Variants in PSTPIP2 observed in about 807,000 individuals in gnomAD.
PSTPIP2 encodes the protein proline-serine-threonine phosphatase interacting protein 2.
PSTPIP2 carries 33 observed loss-of-function variants against 63.3 expected under a neutral mutation model. The observed-to-expected ratio is 0.52, with a 90% CI of 0.40 to 0.70. The LOEUF (loss-of-function observed/expected upper bound fraction) is 0.70, where lower values mean the gene tolerates loss of function less well. PSTPIP2 is among the 30% of genes least tolerant of loss of function. The pLI, the probability that PSTPIP2 is intolerant of heterozygous loss-of-function variation, is 0.00. For missense variants in PSTPIP2, 312 were observed against 400.7 expected (o/e 0.78, Z 1.89); for synonymous variants, 125 against 132.7 (o/e 0.94, Z 0.40).
In PSTPIP2 at chr18:46,072,139, T is replaced by G; in HGVS notation, c.33+17A>C. On this transcript the variant is annotated intron_variant, in intron 1 of 14. Transcript: ENST00000409746. ...GGGTCCTGAGCCCCGCGATCCGCTG[T>G]CGGCCCCACGACTTACCCAAAAGTT... is the stretch of plus-strand genomic sequence containing the variant. 1.3e-6 allele frequency: 2 copies of G among 1,530,756 alleles called. No individual in the cohort carries two copies. The highest frequency in any genetic ancestry group is 1.8e-6 in the Non-Finnish European group (2 of 1,139,454). The allele number at this position is 1,530,756 out of a possible 1,614,324, so 94.8% of individuals were successfully genotyped here. A position where few individuals can be genotyped will look rare whatever the true frequency, so the allele number is the denominator to read the frequency against.
At position 45,997,711 on chromosome 18, in the gene PSTPIP2, AC is replaced by A; in HGVS notation, c.642+37del. 8.6e-6 allele frequency: 2 copies of A among 233,312 alleles called. 1 individual carries two copies. Among genetic ancestry groups the A allele is most frequent in the Non-Finnish European group, 1.7e-5 (2 of 116,320 alleles). 14.5% of individuals were successfully genotyped at this position (233,312 alleles called of 1,614,324 possible). On this transcript the variant is annotated intron_variant, in intron 9 of 14. Coordinates refer to ENST00000409746, the MANE Select transcript of PSTPIP2 (RefSeq NM_024430.4). ...CTTCCTGTTACACACACCCCCACCC[AC>A]CCACCCCAGTCCTGAGCAGCTTCCG...
At chr18:46,031,717 G>T (rs919160893) in intron 2 of PSTPIP2, among the ~76,000 whole-genome samples, 1 of 152,080 alleles carries the variant, frequency 6.6e-6, no homozygotes, top group Non-Finnish European at 1.5e-5. Context: ...TATCCATTAA[G>T]ATTTCTTTAG....
intron 13 of PSTPIP2, among the ~76,000 whole-genome samples, chr18:45,990,234 G>A (rs1175851912): frequency 6.6e-6 from 1 of 152,088 alleles, no homozygotes; most frequent in East Asian, 1.9e-4. Context: ...TCTTGGATAA[G>A]CTATAAAATA....
At chr18:46,053,635 T>C (rs1357986491) in intron 1 of PSTPIP2, among the ~76,000 whole-genome samples, 1 of 152,178 alleles carries the variant, frequency 6.6e-6, no homozygotes, top group African/African-American at 2.4e-5. Context: ...CTCAACTAAA[T>C]TGAGTTGAAA....
intron 2 of PSTPIP2, among the ~76,000 whole-genome samples, chr18:46,038,398 T>G (rs895903628): frequency 1.3e-5 from 2 of 152,154 alleles, no homozygotes; most frequent in African/African-American, 2.4e-5. Context: ...AGGCAGTCAG[T>G]GCCTGGGGTC....
chr18:45,988,902 A>T, intron 13 of PSTPIP2, 143 bp from the exon 14 acceptor site: 1 of 684,240 alleles, frequency 1.5e-6, no homozygotes, highest in Non-Finnish European at 2.6e-6. Flanking sequence ...AACAAAAACT[A>T]TAAATGGTAG....
chr18:46,015,072 T>C (rs891228109), intron 4 of PSTPIP2, among the ~76,000 whole-genome samples: 3 of 152,014 alleles, frequency 2.0e-5, no homozygotes, highest in Non-Finnish European at 4.4e-5. Flanking sequence ...AAGAAAGAAA[T>C]GCACCACAGT....
intron 1 of PSTPIP2, chr18:46,040,392 C>T (rs1908149293): frequency 5.3e-6 from 1 of 187,494 alleles, no homozygotes; most frequent in South Asian, 1.1e-4. Context: ...TTACATACAT[C>T]CTTGAGTTGT....
In PSTPIP2 at chr18:46,015,914, A is replaced by C; in HGVS notation, c.236T>G (p.Val79Gly). The change falls in exon 4 of 15, where the codon GTC (valine) becomes GGC (glycine). Residue 79 changes from valine (V) to glycine (G), a missense_variant. Transcript: ENST00000409746. ...AAAAAATCACTTACGCTGCTTGAAGACTTCAAGGGCCCGCTTCAGGGTGCT... is the reference window on the plus strand; with the variant it reads ...AAAAAATCACTTACGCTGCTTGAAGCCTTCAAGGGCCCGCTTCAGGGTGCT... Reference protein sequence around the residue: ...EINTLKRALEVFKQQVDNVAQ... With the variant: ...EINTLKRALEGFKQQVDNVAQ... 1 of 1,612,432 alleles carries C rather than the reference A, an allele frequency of 6.2e-7. No individual in the cohort carries two copies. Among genetic ancestry groups the C allele is most frequent in the South Asian group, 1.1e-5 (1 of 90,830 alleles).
intron 2 of PSTPIP2, among the ~76,000 whole-genome samples, chr18:46,036,252 T>C (rs1336336192): frequency 6.6e-6 from 1 of 151,488 alleles, no homozygotes; most frequent in African/African-American, 2.4e-5. Context: ...ACAATTATTG[T>C]AACAATTAAT....
intron 1 of PSTPIP2, among the ~76,000 whole-genome samples, chr18:46,065,385 G>T (rs1369386205): frequency 6.6e-6 from 1 of 151,592 alleles, no homozygotes; most frequent in African/African-American, 2.4e-5. Flanking sequence ...TCCGCCTCCT[G>T]GGTTCAAACG....
chr18:46,028,627 T>G, intron 2 of PSTPIP2: 1 of 798,690 alleles, frequency 1.3e-6, no homozygotes. Context: ...AAGAAGCCAA[T>G]TTGGGTGGAT....
In PSTPIP2 at chr18:46,015,853, A is replaced by G. The variant is rs370642680; in HGVS notation, c.247+50T>C. ...AAAACACACCTTTGACGACAGACAC[A>G]GGGCTTGTCAAGGGCAGTGAATACA... On this transcript the variant is annotated intron_variant, in intron 4 of 14. Coordinates refer to ENST00000409746, the MANE Select transcript of PSTPIP2 (RefSeq NM_024430.4). 22 of 1,567,470 alleles carry G rather than the reference A, an allele frequency of 1.4e-5. No homozygotes were observed. In the African/African-American group the frequency reaches 3.1e-4, roughly 22 times the overall value.
intron 1 of PSTPIP2, among the ~76,000 whole-genome samples, chr18:46,048,033 C>A (rs145578020): frequency 4.4e-3 from 677 of 152,286 alleles, no homozygotes; most frequent in Non-Finnish European, 7.7e-3. Flanking sequence ...AATATGCTTC[C>A]ACACATAGCA....
intron 5 of PSTPIP2, among the ~76,000 whole-genome samples, chr18:46,006,717 C>T (rs117310147): frequency 1.8e-3 from 273 of 152,216 alleles, no homozygotes; most frequent in East Asian, 0.016. Flanking sequence ...GTAAATGCCT[C>T]GCTTGGGAGT....
chr18:46,019,075 C>A lies in PSTPIP2; in HGVS notation c.213-3138G>T, dbSNP rs117131568. Among the ~76,000 whole-genome samples, 311 of 152,104 alleles carry A rather than the reference C, an allele frequency of 2.0e-3. 8 individuals are homozygous for A. In the East Asian group the frequency reaches 0.052, roughly 26 times the overall value. On this transcript the variant is annotated intron_variant, in intron 3 of 14. Transcript: ENST00000409746. ...CAACCTACACTTCCTTAAGCGAACT[C>A]CCTCGGAGGTGCCTTGGCCCTGGTA... is the stretch of plus-strand genomic sequence containing the variant.
At chr18:46,044,648 A>G (rs1041167275) in intron 1 of PSTPIP2, among the ~76,000 whole-genome samples, 20 of 152,210 alleles carry the variant, frequency 1.3e-4, no homozygotes, top group African/African-American at 4.6e-4. Flanking sequence ...AAAAGCCAAA[A>G]TTGACAAATG....
At chr18:46,046,532 T>C (rs555278837) in intron 1 of PSTPIP2, among the ~76,000 whole-genome samples, 17 of 152,336 alleles carry the variant, frequency 1.1e-4, no homozygotes, top group African/African-American at 4.1e-4. Context: ...TGGCAGTCTC[T>C]ACCCTTCTAT....
intron 3 of PSTPIP2, among the ~76,000 whole-genome samples, chr18:46,022,586 A>G (rs1043983548): frequency 6.6e-6 from 1 of 152,200 alleles, no homozygotes; most frequent in Non-Finnish European, 1.5e-5. Flanking sequence ...AAATGAAAAC[A>G]TGAGACCCCT....
Sources: allele counts gnomAD v4.1 joint callset (sites outside exome capture counted in the v4.1 genomes callset), GRCh38; gene constraint gnomAD v4.1.1; transcripts MANE v1.5; gene names NCBI Gene and HGNC (gene_info 2026-07-23, HGNC 2026-07-21).